MTMR7: variants seen among roughly 807,000 people sequenced by gnomAD.
MTMR7 encodes the protein myotubularin related protein 7, also known as phosphatidylinositol-3-phosphate phosphatase MTMR7.
A neutral mutation model predicts 81.2 loss-of-function variants in MTMR7; 76 were observed. The observed-to-expected ratio is 0.94, with a 90% CI of 0.78 to 1.13. MTMR7 has a LOEUF of 1.13. MTMR7 is among the 50% of genes most tolerant of loss of function. MTMR7 has a pLI of 0.00. For synonymous variants in MTMR7, 372 were observed against 289.8 expected (o/e 1.28, Z -2.88); for missense variants, 1,044 against 820.0 (o/e 1.27, Z -3.34).
chr8:17,348,815 A>G (rs927708375), intron 5 of MTMR7, 138 bp downstream of exon 5: 1 of 988,138 alleles, frequency 1.0e-6, no homozygotes, highest in South Asian at 1.5e-5. Flanking sequence ...ATCATGTCAT[A>G]CCATGCACAG....
chr8:17,310,457 T>C (rs1817723034), intron 9 of MTMR7, among the ~76,000 whole-genome samples: 1 of 152,150 alleles, frequency 6.6e-6, no homozygotes, highest in Non-Finnish European at 1.5e-5. Context: ...GTAAGTTTAA[T>C]GGGGCACAAT....
chr8:17,397,459 G>A (rs1821297265), intron 1 of MTMR7, among the ~76,000 whole-genome samples: 1 of 152,172 alleles, frequency 6.6e-6, no homozygotes, highest in Non-Finnish European at 1.5e-5. Context: ...CAGTGGTAGT[G>A]GTGGCTACTG....
At chr8:17,300,288 A>ATGTCT in intron 13 of MTMR7, 64 bp from the exon 14 acceptor site, 2 of 1,490,464 alleles carry the variant, frequency 1.3e-6, no homozygotes, top group Non-Finnish European at 1.8e-6. Flanking sequence ...CTATATATGC[A>ATGTCT]TGTCTTTAGC....
In MTMR7 at chr8:17,371,125, G is replaced by C; in HGVS notation, c.222C>G (p.Cys74Trp). ...TGAGCTGTATTATCTGAAAGTTCTT[G>C]CAGCGAATCAGCAGAGGGCATCCGG... ...TATGCPLLIRCKNFQIIQLII... is the reference protein window; with the variant it reads ...TATGCPLLIRWKNFQIIQLII... The change falls in exon 3 of 14, where the codon TGC (cysteine) becomes TGG (tryptophan). Residue 74 changes from cysteine (C) to tryptophan (W), a missense_variant. Transcript: ENST00000180173. The C allele has an allele frequency of 6.2e-7, 1 of 1,614,190 alleles. No individual in the cohort carries two copies. The highest frequency in any genetic ancestry group is 8.5e-7 in the Non-Finnish European group (1 of 1,180,028).
intron 6 of MTMR7, among the ~76,000 whole-genome samples, chr8:17,333,143 G>A (rs1176424091): frequency 2.0e-5 from 3 of 152,100 alleles, no homozygotes; most frequent in Admixed American, 6.6e-5. Flanking sequence ...ACATCAGCTG[G>A]GCCACATCAG....
chr8:17,299,936 C>T lies in MTMR7; in HGVS notation c.1909G>A (p.Gly637Ser). 6.2e-7 allele frequency: 1 copy of T among 1,614,154 alleles called. No individual in the cohort carries two copies. Among genetic ancestry groups the T allele is most frequent in the Non-Finnish European group, 8.5e-7 (1 of 1,180,016 alleles). ...TCTTCACTCGGTGCATGCTCACCAC[C>T]ACTTGGAGACCGACAGCTCAAATCC... ...VEDLSCRSPS[G>S]GEHAPSEDSG... Residue 637 changes from glycine to serine, a missense_variant, in exon 14 of 14, where the codon GGT becomes AGT. Gly to Ser is a moderately conservative substitution (Grantham distance 56). Transcript: ENST00000180173.
intron 1 of MTMR7, among the ~76,000 whole-genome samples, chr8:17,400,674 T>C (rs1463728616): frequency 1.3e-5 from 2 of 152,202 alleles, no homozygotes; most frequent in African/African-American, 2.4e-5. Flanking sequence ...TCTTATCTAA[T>C]TGTCAGACTT....
intron 3 of MTMR7, among the ~76,000 whole-genome samples, chr8:17,364,278 C>A (rs1313963691): frequency 6.6e-6 from 1 of 152,054 alleles, no homozygotes; most frequent in Non-Finnish European, 1.5e-5. Context: ...TGTGATCTGC[C>A]CGCCTCGGCT....
At chr8:17,365,450 G>C (rs1820195515) in intron 3 of MTMR7, among the ~76,000 whole-genome samples, 1 of 152,088 alleles carries the variant, frequency 6.6e-6, no homozygotes, top group Non-Finnish European at 1.5e-5. Flanking sequence ...ACTCTAGGAA[G>C]GTCATATCCC....
At chr8:17,379,343 C>T (rs1463920109) in intron 1 of MTMR7, among the ~76,000 whole-genome samples, 1 of 152,056 alleles carries the variant, frequency 6.6e-6, no homozygotes, top group East Asian at 1.9e-4. Context: ...TCTGACCACG[C>T]GAACTCCACC....
In MTMR7 at chr8:17,399,427, G is replaced by C. The variant is rs187658103; in HGVS notation, c.24+13842C>G. The stretch of plus-strand genomic sequence containing the variant: ...ATACCTAGGAAACAATTTAACTTAA[G>C]TAAAAGATCTATAAAAGGCAAACTA... On this transcript the variant is annotated intron_variant, in intron 1 of 13. Coordinates refer to ENST00000180173, the MANE Select transcript of MTMR7 (RefSeq NM_004686.5). Among the ~76,000 whole-genome samples, 8 of 152,170 alleles carry C rather than the reference G, an allele frequency of 5.3e-5. No individual in the cohort carries two copies. The East Asian group carries it at 1.5e-3, about 29-fold the overall frequency.
intron 1 of MTMR7, among the ~76,000 whole-genome samples, chr8:17,382,683 C>G (rs1360290204): frequency 1.3e-5 from 2 of 152,208 alleles, no homozygotes; most frequent in East Asian, 1.9e-4. Flanking sequence ...CAGAAAGTGC[C>G]TGAGTGATAA....
chr8:17,372,806 T>A (rs920996088), intron 2 of MTMR7, among the ~76,000 whole-genome samples: 1 of 152,096 alleles, frequency 6.6e-6, no homozygotes, highest in Non-Finnish European at 1.5e-5. Context: ...CACTGGAGGA[T>A]GACAATGCTG....
chr8:17,400,237 C>G (rs11203851), intron 1 of MTMR7, among the ~76,000 whole-genome samples: 1 of 152,072 alleles, frequency 6.6e-6, no homozygotes, highest in African/African-American at 2.4e-5. Flanking sequence ...AGCTACTGTG[C>G]TAGGCACCAT....
At chr8:17,380,236 AGTTT>A (rs1398956430) in intron 1 of MTMR7, among the ~76,000 whole-genome samples, 2 of 152,232 alleles carry the variant, frequency 1.3e-5, no homozygotes, top group East Asian at 1.9e-4. Flanking sequence ...CCCAGTTGTC[AGTTT>A]GTTTATGAAA....
At chr8:17,404,985 C>G (rs1353514745) in intron 1 of MTMR7, among the ~76,000 whole-genome samples, 1 of 152,172 alleles carries the variant, frequency 6.6e-6, no homozygotes, top group Non-Finnish European at 1.5e-5. Flanking sequence ...GCCGCTATGA[C>G]TGGCTAATTT....
intron 7 of MTMR7, among the ~76,000 whole-genome samples, chr8:17,315,336 G>A (rs1341118350): frequency 2.0e-5 from 3 of 152,162 alleles, no homozygotes; most frequent in African/African-American, 7.2e-5. Flanking sequence ...CCAGGGGTTA[G>A]GGTTGTGAGG....
Position 17,373,246 on chromosome 8 carries a change from G to C in MTMR7, c.25-6C>G. ...ACCAAGCGGACATTTTCAACCTAGA[G>C]AAATCGGCATGATGAAAAGAGTTAC... On this transcript the variant is annotated splice_polypyrimidine_tract_variant and splice_region_variant and intron_variant, in intron 1 of 13. Transcript: ENST00000180173. 6.2e-7 allele frequency: 1 copy of C among 1,608,646 alleles called. No homozygotes were observed. Among genetic ancestry groups the C allele is most frequent in the Non-Finnish European group, 8.5e-7 (1 of 1,177,746 alleles).
intron 12 of MTMR7, among the ~76,000 whole-genome samples, chr8:17,304,022 C>T (rs1817294256): frequency 6.6e-6 from 1 of 152,124 alleles, no homozygotes; most frequent in Non-Finnish European, 1.5e-5. Context: ...TATTTTTGCT[C>T]CAACCTTAAC....
Sources: gnomAD v4.1 joint callset for allele counts (sites outside exome capture counted in the v4.1 genomes callset) on GRCh38, gnomAD v4.1.1 for gene constraint, MANE v1.5 for transcripts, NCBI Gene and HGNC (gene_info 2026-07-23, HGNC 2026-07-21) for gene names.